ZNF326: variants seen among roughly 807,000 people sequenced by gnomAD.
The protein encoded by ZNF326 is DBIRD complex subunit ZNF326.
ZNF326 carries 30 observed loss-of-function variants against 63.1 expected under a neutral mutation model. That is an observed-to-expected ratio of 0.48 (90% CI 0.36 to 0.64). The LOEUF is 0.64. Ranked by LOEUF, ZNF326 falls within the 30% of genes least tolerant of loss-of-function variation. The pLI, the probability that ZNF326 is intolerant of heterozygous loss-of-function variation, is 0.00. For synonymous variants in ZNF326, 194 were observed against 228.2 expected, an observed-to-expected ratio of 0.85 and a Z score of 1.35; for missense variants, 609 against 720.3, an observed-to-expected ratio of 0.85 and a Z score of 1.77.
chr1:90,023,508 A>ATC (rs1471792076), intron 11 of ZNF326, among the ~76,000 whole-genome samples: 1 of 152,076 alleles, frequency 6.6e-6, no homozygotes, highest in Admixed American at 6.5e-5. Flanking sequence ...TAATTTGTTA[A>ATC]TCTAATATTC....
rs764427337 is a variant in ZNF326 at position 89,998,119 on chromosome 1, ACT to A, written c.28_29del (p.Ser10ArgfsTer10). Reference sequence around the variant, plus strand: ...AAATGTGTCTTCATAGATTACACACACTCCGCCTGCAGGAATACTTATCAGGG... The same window carrying A: ...AAATGTGTCTTCATAGATTACACACACCGCCTGCAGGAATACTTATCAGGG... On this transcript the variant is annotated frameshift_variant, in exon 2 of 12. Transcript: ENST00000340281. LOFTEE classifies it high-confidence loss of function. 1 of 1,613,036 alleles carries A rather than the reference ACT, an allele frequency of 6.2e-7. No individual in the cohort carries two copies. Among genetic ancestry groups the A allele is most frequent in the Non-Finnish European group, 8.5e-7 (1 of 1,179,788 alleles).
intron 10 of ZNF326, among the ~76,000 whole-genome samples, chr1:90,021,841 A>G (rs1024793480): frequency 2.0e-5 from 3 of 152,140 alleles, no homozygotes; most frequent in Non-Finnish European, 4.4e-5. Flanking sequence ...CTATACTGGT[A>G]ACTTTCTTCC....
intron 5 of ZNF326, among the ~76,000 whole-genome samples, chr1:90,009,226 C>T (rs960340386): frequency 6.6e-6 from 1 of 152,020 alleles, no homozygotes; most frequent in Non-Finnish European, 1.5e-5. Flanking sequence ...GTAGATGAGC[C>T]AATAGGACCT....
intron 5 of ZNF326, among the ~76,000 whole-genome samples, chr1:90,008,959 A>G (rs1490203014): frequency 1.3e-5 from 2 of 152,166 alleles, no homozygotes; most frequent in African/African-American, 4.8e-5. Flanking sequence ...TTACAGTTCC[A>G]CTATACTTCA....
intron 6 of ZNF326, 27 bp from the exon 7 acceptor site, chr1:90,013,099 C>G (rs1344867151): frequency 2.5e-6 from 4 of 1,573,358 alleles, no homozygotes; most frequent in Non-Finnish European, 3.5e-6. Flanking sequence ...TGAATTTTAG[C>G]TTTTACTTTT....
At chr1:90,022,121 T>A (rs1649798353) in intron 10 of ZNF326, 129 bp from the exon 11 acceptor site, 4 of 666,574 alleles carry the variant, frequency 6.0e-6, no homozygotes, top group Non-Finnish European at 1.0e-5. Context: ...TAGTTGCTAT[T>A]GCTCTATAGT....
At chr1:90,003,389 C>T (rs1438999591) in intron 2 of ZNF326, among the ~76,000 whole-genome samples, 1 of 152,192 alleles carries the variant, frequency 6.6e-6, no homozygotes, top group African/African-American at 2.4e-5. Flanking sequence ...GCCTCGACCT[C>T]CCAAAGTGCT....
At chr1:90,014,936 T>G (rs1424883976) in intron 7 of ZNF326, among the ~76,000 whole-genome samples, 2 of 152,154 alleles carry the variant, frequency 1.3e-5, no homozygotes, top group Non-Finnish European at 2.9e-5. Context: ...ACTTTTCTCA[T>G]GAAAAATTTT....
chr1:90,000,023 C>T (rs967506434), intron 2 of ZNF326, among the ~76,000 whole-genome samples: 1 of 151,916 alleles, frequency 6.6e-6, no homozygotes, highest in Non-Finnish European at 1.5e-5. Flanking sequence ...ATGATCATTG[C>T]GAGGGAGAGT....
intron 4 of ZNF326, chr1:90,006,478 A>C: frequency 2.0e-6 from 2 of 985,362 alleles, no homozygotes; most frequent in Non-Finnish European, 2.4e-6. Flanking sequence ...TGGGTTTGTG[A>C]GAAGGAAGAT....
At position 90,028,150 on chromosome 1, in the gene ZNF326, A is replaced by C; in HGVS notation, c.*449A>C. On this transcript the variant is annotated 3_prime_UTR_variant, in exon 12 of 12. Coordinates refer to ENST00000340281, the MANE Select transcript of ZNF326 (RefSeq NM_182976.4). The stretch of plus-strand genomic sequence containing the variant: ...TTTACTGCATTAGACATTGAATAGT[A>C]ATTTGCGTTAAGATACGCTTAAAGG... The C allele has an allele frequency of 6.3e-6, 1 of 159,296 alleles. No homozygotes were observed. The highest frequency in any genetic ancestry group is 1.9e-4 in the East Asian group (1 of 5,278). The allele number at this position is 159,296 out of a possible 1,614,324, so 9.9% of individuals were successfully genotyped here. A position where few individuals can be genotyped will look rare whatever the true frequency, so the allele number is the denominator to read the frequency against.
chr1:90,011,289 C>T (rs753821858), intron 6 of ZNF326, among the ~76,000 whole-genome samples: 5 of 152,034 alleles, frequency 3.3e-5, no homozygotes, highest in African/African-American at 7.2e-5. Flanking sequence ...TTCCTCAATA[C>T]AAGGTCTTGC....
rs764318569 is a variant in ZNF326, at chr1:90,005,210, A to G, written c.175A>G (p.Met59Val). The G allele has an allele frequency of 2.5e-5, 40 of 1,613,864 alleles. No individual in the cohort carries two copies. The South Asian group carries it at 4.2e-4, about 17-fold the overall frequency. Residue 59 changes from methionine (M) to valine (V), a missense_variant, in exon 4 of 12, where the codon ATG (methionine) becomes GTG (valine). By Grantham distance (21) the Met-to-Val change is conservative. This residue lies in a region of ZNF326 where 97 missense variants were observed against 88.7 expected (regional missense o/e 1.09). Transcript: ENST00000340281. ...TTCCTACCTAAACCAGTCATATGGC[A>G]TGGACAATCACAGTGGTGGTGGTGG... The part of the protein sequence containing the change: ...MDSYLNQSYG[M>V]DNHSGGGGGS...
At chr1:89,997,165 T>C (rs1570930339) in intron 1 of ZNF326, among the ~76,000 whole-genome samples, 2 of 152,204 alleles carry the variant, frequency 1.3e-5, no homozygotes, top group Admixed American at 6.5e-5. Flanking sequence ...TCCTGTATAG[T>C]GTAGCAGGAT....
intron 1 of ZNF326, among the ~76,000 whole-genome samples, chr1:89,996,958 T>A (rs1648409226): frequency 6.6e-6 from 1 of 152,262 alleles, no homozygotes; most frequent in African/African-American, 2.4e-5. Flanking sequence ...GGAATCCATT[T>A]CTATGGAGAA....
In ZNF326 at chr1:90,031,095, G is replaced by A. The variant is rs948866480; in HGVS notation, c.*3394G>A. The A allele has an allele frequency of 6.6e-6, 1 of 152,220 alleles. No homozygotes were observed. The highest frequency in any genetic ancestry group is 2.4e-5 in the African/African-American group (1 of 41,458). The allele number at this position is 152,220 out of a possible 1,614,324, so 9.4% of individuals were successfully genotyped here. A position where few individuals can be genotyped will look rare whatever the true frequency, so the allele number is the denominator to read the frequency against. Reference sequence around the variant, plus strand: ...TAACTCTTCCCCTATCAAGGCAGGAGTTTCCGCCCTTTTGAATATAAACAT... The same window carrying A: ...TAACTCTTCCCCTATCAAGGCAGGAATTTCCGCCCTTTTGAATATAAACAT... On this transcript the variant is annotated 3_prime_UTR_variant, in exon 12 of 12. Transcript: ENST00000340281.
intron 11 of ZNF326, among the ~76,000 whole-genome samples, chr1:90,025,416 C>T (rs1649971236): frequency 6.6e-6 from 1 of 152,140 alleles, no homozygotes. Flanking sequence ...CCTGGCTCAG[C>T]CTCCTGAGTA....
intron 4 of ZNF326, chr1:90,006,421 A>G: frequency 1.0e-6 from 1 of 985,382 alleles, no homozygotes; most frequent in Non-Finnish European, 1.2e-6. Flanking sequence ...GTGGGCCTTT[A>G]TAAAATTGTG....
intron 7 of ZNF326, among the ~76,000 whole-genome samples, chr1:90,013,977 A>G (rs1649376035): frequency 6.6e-6 from 1 of 152,080 alleles, no homozygotes. Flanking sequence ...AGGCGGGACG[A>G]TGGCGTGAAC....
Sources: allele counts gnomAD v4.1 joint callset (sites outside exome capture counted in the v4.1 genomes callset), GRCh38; gene constraint gnomAD v4.1.1; regional missense constraint gnomAD v4.1.1; transcripts MANE v1.5; gene names NCBI Gene and HGNC (gene_info 2026-07-23, HGNC 2026-07-21).